GBE1: variants seen among roughly 807,000 people sequenced by gnomAD.
The protein encoded by GBE1 is 1,4-alpha-glucan-branching enzyme.
GBE1 carries 70 observed loss-of-function variants against 88.8 expected under a neutral mutation model. The ratio of observed to expected loss-of-function variants is 0.79; its 90% CI spans 0.65 to 0.96. GBE1 has a LOEUF of 0.96. Among genes scored for constraint, GBE1 ranks in the 40% least tolerant of loss-of-function variants. The pLI is 0.00. For missense variants in GBE1, 872 were observed against 871.0 expected (o/e 1.00, Z -0.01); for synonymous variants, 284 against 300.1 (o/e 0.95, Z 0.56).
chr3:81,506,800 T>C (rs955025916), intron 14 of GBE1, among the ~76,000 whole-genome samples: 2 of 152,134 alleles, frequency 1.3e-5, no homozygotes, highest in Non-Finnish European at 2.9e-5. Flanking sequence ...CCATTATCCT[T>C]AGCAAACTAA....
chr3:81,685,392 G>C (rs1439019006), intron 2 of GBE1, among the ~76,000 whole-genome samples: 1 of 151,740 alleles, frequency 6.6e-6, no homozygotes, highest in African/African-American at 2.4e-5. Context: ...TTCCATTTTT[G>C]TTGTTGTCTT....
chr3:81,575,164 C>CA lies in GBE1; in HGVS notation c.1618+2760dup, dbSNP rs760005850. Among the ~76,000 whole-genome samples the CA allele has an allele frequency of 5.1e-3, 441 of 85,870 alleles. 2 individuals are homozygous for CA. The highest frequency in any genetic ancestry group is 0.018 in the Middle Eastern group (2 of 112). 56.3% of individuals were successfully genotyped at this position (85,870 alleles called of 152,430 possible). On this transcript the variant is annotated intron_variant, in intron 12 of 15. Coordinates refer to ENST00000429644, the MANE Select transcript of GBE1 (RefSeq NM_000158.4). Reference sequence around the variant, plus strand: ...TGGGCGACAGGGCGAGACTCCATCTCAAAAAAAAAAAAAAAAGTAGAGAAT... The same window carrying CA: ...TGGGCGACAGGGCGAGACTCCATCTCAAAAAAAAAAAAAAAAAGTAGAGAAT...
chr3:81,691,399 T>G (rs553440967), intron 2 of GBE1, among the ~76,000 whole-genome samples: 1 of 152,164 alleles, frequency 6.6e-6, no homozygotes, highest in Non-Finnish European at 1.5e-5. Context: ...TGTATTTTGG[T>G]TTAATATGTA....
rs772401056 is a variant in GBE1 at position 81,761,484 on chromosome 3, C to T, written c.34G>A (p.Glu12Lys). ...AAPMTPAARP[E>K]DYEAALNAAL... Reference sequence around the variant, plus strand: ...GCATTGAGCGCCGCCTCGTAGTCCTCGGGCCGAGCCGCGGGAGTCATCGGA... The same window carrying T: ...GCATTGAGCGCCGCCTCGTAGTCCTTGGGCCGAGCCGCGGGAGTCATCGGA... The change falls in exon 1 of 16, where the codon GAG becomes AAG. Residue 12 changes from glutamate (E) to lysine (K), a missense_variant. Glu to Lys is a moderately conservative substitution (Grantham distance 56, BLOSUM62 1). Transcript: ENST00000429644. 1 of 1,610,198 alleles carries T rather than the reference C, an allele frequency of 6.2e-7. No individual in the cohort carries two copies. Among genetic ancestry groups the T allele is most frequent in the East Asian group, 2.2e-5 (1 of 44,714 alleles).
chr3:81,710,232 C>CTTTTTTTTTTTT lies in GBE1; in HGVS notation c.144-4631_144-4620dup, dbSNP rs397990331. On this transcript the variant is annotated intron_variant, in intron 1 of 15. Coordinates refer to ENST00000429644, the MANE Select transcript of GBE1 (RefSeq NM_000158.4). ...TTGTTTTACTCTTAAGGTAATTAAT[C>CTTTTTTTTTTTT]TTTTTTTTTTTTTTTTTTTTGAGAC... 1.5e-3 allele frequency among the ~76,000 whole-genome samples: 137 copies of CTTTTTTTTTTTT among 93,230 alleles called. 9 individuals carry two copies. Among genetic ancestry groups the CTTTTTTTTTTTT allele is most frequent in the East Asian group, 2.9e-3 (7 of 2,430 alleles). 61.2% of individuals were successfully genotyped at this position (93,230 alleles called of 152,430 possible).
chr3:81,614,134 C>T (rs113416211), intron 7 of GBE1, among the ~76,000 whole-genome samples: 1 of 152,162 alleles, frequency 6.6e-6, no homozygotes, highest in Non-Finnish European at 1.5e-5. Context: ...CCTGCCTCAG[C>T]CTCCCAAGTA....
At chr3:81,618,320 A>C (rs896641195) in intron 7 of GBE1, among the ~76,000 whole-genome samples, 1 of 152,118 alleles carries the variant, frequency 6.6e-6, no homozygotes, top group Non-Finnish European at 1.5e-5. Flanking sequence ...CAGCCTTAGA[A>C]TAGATTACCT....
At chr3:81,745,280 T>G (rs1706405582) in intron 1 of GBE1, among the ~76,000 whole-genome samples, 1 of 152,218 alleles carries the variant, frequency 6.6e-6, no homozygotes, top group South Asian at 2.1e-4. Flanking sequence ...AAAAATTAAG[T>G]AACTTGGTTA....
In GBE1 at chr3:81,578,013, A is replaced by G; in HGVS notation, c.1530T>C (p.Thr510=). The G allele has an allele frequency of 6.2e-7, 1 of 1,610,174 alleles. No homozygotes were observed. The highest frequency in any genetic ancestry group is 8.5e-7 in the Non-Finnish European group (1 of 1,178,380). The change falls in exon 12 of 16, where the codon ACT becomes ACC. Residue 510 remains threonine, a synonymous_variant. Transcript: ENST00000429644. ...GCTGTATTCCACGATCAATAACTGG[A>G]GTAAAAGGAGTCAGGACACTCATGT... ...YTNMSVLTPF[T]PVIDRGIQLH...
chr3:81,723,876 G>T (rs1365711882), intron 1 of GBE1, among the ~76,000 whole-genome samples: 2 of 152,302 alleles, frequency 1.3e-5, no homozygotes, highest in South Asian at 2.1e-4. Flanking sequence ...CTCACGGCCA[G>T]TATGCAGTAC....
intron 7 of GBE1, among the ~76,000 whole-genome samples, chr3:81,610,481 C>T (rs960230427): frequency 1.3e-5 from 2 of 151,974 alleles, no homozygotes; most frequent in Non-Finnish European, 2.9e-5. Flanking sequence ...TAAGAAAAGA[C>T]CTATTTGAAG....
intron 1 of GBE1, among the ~76,000 whole-genome samples, chr3:81,750,289 G>A (rs948580285): frequency 2.6e-5 from 4 of 151,582 alleles, no homozygotes; most frequent in South Asian, 2.1e-4. Context: ...AGAACAGCAC[G>A]GAAAGGTACA....
intron 12 of GBE1, among the ~76,000 whole-genome samples, chr3:81,555,828 T>C (rs538300223): frequency 6.6e-6 from 1 of 152,296 alleles, no homozygotes; most frequent in African/African-American, 2.4e-5. Flanking sequence ...AGCATAATTT[T>C]TTTAGCTGGA....
chr3:81,723,665 G>A (rs1025435704), intron 1 of GBE1, among the ~76,000 whole-genome samples: 3 of 151,852 alleles, frequency 2.0e-5, no homozygotes, highest in East Asian at 1.9e-4. Context: ...TCACAACCAC[G>A]CTCACAAACA....
intron 3 of GBE1, among the ~76,000 whole-genome samples, chr3:81,661,502 T>A (rs1705031262): frequency 6.6e-6 from 1 of 152,236 alleles, no homozygotes; most frequent in South Asian, 2.1e-4. Context: ...ATTTGTATAC[T>A]CCGACGTGCC....
At position 81,542,266 on chromosome 3, in the gene GBE1, T is replaced by C. The variant is rs574214041; in HGVS notation, c.1619-5171A>G. 1.1e-4 allele frequency among the ~76,000 whole-genome samples: 16 copies of C among 152,202 alleles called. No individual in the cohort carries two copies. The South Asian group carries it at 3.3e-3, about 32-fold the overall frequency. On this transcript the variant is annotated intron_variant, in intron 12 of 15. Coordinates refer to ENST00000429644, the MANE Select transcript of GBE1 (RefSeq NM_000158.4). ...ATGTAATGAAATTTTATTTAACCAA[T>C]CACCTTAAGTTGGTAATTTTGACTT...
At chr3:81,680,099 AATTTC>A (rs1328239869) in intron 2 of GBE1, among the ~76,000 whole-genome samples, 1 of 152,188 alleles carries the variant, frequency 6.6e-6, no homozygotes, top group Non-Finnish European at 1.5e-5. Context: ...GAAAATATGT[AATTTC>A]ATTTCATTCA....
At chr3:81,759,144 T>G (rs930425761) in intron 1 of GBE1, among the ~76,000 whole-genome samples, 5 of 152,166 alleles carry the variant, frequency 3.3e-5, no homozygotes, top group African/African-American at 1.2e-4. Context: ...TTGCCCAGTC[T>G]CAGGTATGTC....
At chr3:81,582,101 A>G (rs1703739018) in intron 10 of GBE1, among the ~76,000 whole-genome samples, 1 of 152,040 alleles carries the variant, frequency 6.6e-6, no homozygotes, top group African/African-American at 2.4e-5. Flanking sequence ...GTTCCTCAGG[A>G]TTATGTCCTA....
Sources: gnomAD v4.1 joint callset for allele counts (sites outside exome capture counted in the v4.1 genomes callset) on GRCh38, gnomAD v4.1.1 for gene constraint, MANE v1.5 for transcripts, NCBI Gene and HGNC (gene_info 2026-07-23, HGNC 2026-07-21) for gene names.